Variants in PCDH9 observed in about 807,000 individuals in gnomAD.
The protein encoded by PCDH9 is protocadherin-9.
PCDH9 carries 24 observed loss-of-function variants against 70.6 expected under a neutral mutation model. The ratio of observed to expected loss-of-function variants is 0.34; its 90% CI spans 0.25 to 0.48. The LOEUF is 0.48. PCDH9 is among the 20% of genes least tolerant of loss of function. The probability of loss-of-function intolerance (pLI) is 0.99; values close to 1 mark genes in which losing one functional copy is unlikely to be tolerated. For synonymous variants in PCDH9, 562 were observed against 558.5 expected, an observed-to-expected ratio of 1.01 and a Z score of -0.09; for missense variants, 1,281 against 1,503.6, an observed-to-expected ratio of 0.85 and a Z score of 2.45.
At chr13:66,872,017 T>C (rs549703092) in intron 3 of PCDH9, among the ~76,000 whole-genome samples, 1 of 128,728 alleles carries the variant, frequency 7.8e-6, no homozygotes, top group South Asian at 2.4e-4. Context: ...AAAACTGCAT[T>C]TTGATTATTT....
chr13:66,755,633 T>A (rs1299484452), intron 3 of PCDH9, among the ~76,000 whole-genome samples: 1 of 152,092 alleles, frequency 6.6e-6, no homozygotes, highest in East Asian at 1.9e-4. Context: ...CTAAAATGCA[T>A]ATTTACTGCA....
At chr13:66,867,187 AAAGT>A (rs1282260714) in intron 3 of PCDH9, among the ~76,000 whole-genome samples, 4 of 152,142 alleles carry the variant, frequency 2.6e-5, no homozygotes, top group Non-Finnish European at 5.9e-5. Flanking sequence ...GATCCATTGC[AAAGT>A]AAGTGTTACT....
At chr13:67,112,586 C>T (rs2086678133) in intron 2 of PCDH9, among the ~76,000 whole-genome samples, 2 of 152,010 alleles carry the variant, frequency 1.3e-5, no homozygotes, top group Non-Finnish European at 2.9e-5. Flanking sequence ...TACACAATTT[C>T]CAAACTGAAA....
chr13:66,622,778 A>C (rs907767376), intron 4 of PCDH9, among the ~76,000 whole-genome samples: 14 of 152,182 alleles, frequency 9.2e-5, no homozygotes, highest in African/African-American at 3.1e-4. Flanking sequence ...CCGGGCAGGC[A>C]GTGGCAATCC....
intron 4 of PCDH9, among the ~76,000 whole-genome samples, chr13:66,381,097 A>T (rs1956840783): frequency 6.6e-6 from 1 of 152,194 alleles, no homozygotes; most frequent in Non-Finnish European, 1.5e-5. Flanking sequence ...TTGAAATTAT[A>T]TTTCAAAACT....
chr13:66,760,177 C>A (rs2079601955), intron 3 of PCDH9, among the ~76,000 whole-genome samples: 1 of 152,080 alleles, frequency 6.6e-6, no homozygotes, highest in African/African-American at 2.4e-5. Flanking sequence ...TCATCCCATT[C>A]TCTTCTGCCC....
intron 3 of PCDH9, among the ~76,000 whole-genome samples, chr13:66,810,583 C>T (rs763174540): frequency 2.6e-5 from 4 of 151,894 alleles, no homozygotes; most frequent in Non-Finnish European, 4.4e-5. Context: ...TTTATATATA[C>T]AACAGTGAGC....
chr13:66,528,646 C>T (rs1386647539), intron 4 of PCDH9, among the ~76,000 whole-genome samples: 1 of 152,006 alleles, frequency 6.6e-6, no homozygotes, highest in Non-Finnish European at 1.5e-5. Flanking sequence ...AAGGAAAATC[C>T]ATTTAGAAAA....
chr13:67,109,394 C>T (rs1383408729), intron 2 of PCDH9, among the ~76,000 whole-genome samples: 1 of 152,098 alleles, frequency 6.6e-6, no homozygotes, highest in African/African-American at 2.4e-5. Context: ...CTAAGTAAGT[C>T]AATAATGTAG....
intron 3 of PCDH9, among the ~76,000 whole-genome samples, chr13:66,840,566 T>C (rs2139428366): frequency 6.6e-6 from 1 of 152,294 alleles, no homozygotes; most frequent in East Asian, 1.9e-4. Flanking sequence ...GATAAAACAT[T>C]CTCTACTAAA....
intron 4 of PCDH9, among the ~76,000 whole-genome samples, chr13:66,491,016 C>G (rs551273319): frequency 6.6e-6 from 1 of 152,264 alleles, no homozygotes; most frequent in African/African-American, 2.4e-5. Context: ...GAGATATACT[C>G]TCACTTTGAT....
chr13:67,139,869 T>C (rs760624421), intron 2 of PCDH9, among the ~76,000 whole-genome samples: 1 of 152,200 alleles, frequency 6.6e-6, no homozygotes, highest in Non-Finnish European at 1.5e-5. Flanking sequence ...CAGTTAATAA[T>C]TAAGCCAACT....
At chr13:66,358,392 T>A in intron 4 of PCDH9, among the ~76,000 whole-genome samples, 1 of 151,890 alleles carries the variant, frequency 6.6e-6, no homozygotes. Context: ...TATTGTTACA[T>A]CAAAATAAGA....
intron 2 of PCDH9, among the ~76,000 whole-genome samples, chr13:67,074,076 T>C (rs867902523): frequency 9.4e-4 from 131 of 139,838 alleles, no homozygotes; most frequent in Middle Eastern, 4.0e-3. Flanking sequence ...ATCTATCTGT[T>C]TATTATCTAT....
At chr13:66,916,709 CTT>C (rs2082563823) in intron 2 of PCDH9, among the ~76,000 whole-genome samples, 2 of 151,536 alleles carry the variant, frequency 1.3e-5, no homozygotes, top group Non-Finnish European at 3.0e-5. Flanking sequence ...CCAACCTGTA[CTT>C]TGTGTTTTTA....
intron 3 of PCDH9, among the ~76,000 whole-genome samples, chr13:66,827,360 C>CA (rs71110608): frequency 0.22 from 26,376 of 119,960 alleles, 2,405 homozygotes; most frequent in Middle Eastern, 0.32. Flanking sequence ...AGGAAAATGG[C>CA]AAAAAAAAAA....
chr13:66,445,808 TTA>T, intron 4 of PCDH9, among the ~76,000 whole-genome samples: 1 of 117,036 alleles, frequency 8.5e-6, no homozygotes, highest in Non-Finnish European at 1.9e-5. Flanking sequence ...TACACATATA[TTA>T]TATATACACA....
intron 2 of PCDH9, among the ~76,000 whole-genome samples, chr13:66,973,970 T>A (rs966753524): frequency 1.6e-4 from 24 of 151,970 alleles, no homozygotes; most frequent in African/African-American, 5.1e-4. Flanking sequence ...CTATTTTGCT[T>A]AACAGGAGTA....
chr13:67,060,156 T>A (rs1178503993), intron 2 of PCDH9, among the ~76,000 whole-genome samples: 1 of 152,026 alleles, frequency 6.6e-6, no homozygotes. Context: ...CTGGAAGAAT[T>A]TCATGAGGTC....
Sources: gnomAD v4.1 joint callset for allele counts (sites outside exome capture counted in the v4.1 genomes callset) on GRCh38, gnomAD v4.1.1 for gene constraint, MANE v1.5 for transcripts, NCBI Gene and HGNC (gene_info 2026-07-23, HGNC 2026-07-21) for gene names.